HPSE2: variants seen among roughly 807,000 people sequenced by gnomAD.
The protein encoded by HPSE2 is heparanase 2 (inactive).
Under a neutral mutation model 60.5 loss-of-function variants are expected in HPSE2, and 38 were observed. The observed-to-expected ratio is 0.63, with a 90% CI of 0.48 to 0.82. The LOEUF (loss-of-function observed/expected upper bound fraction) is 0.82. Ranked by LOEUF, HPSE2 falls within the 40% of genes least tolerant of loss-of-function variation. The pLI is 0.00. For missense variants in HPSE2, 713 were observed against 740.4 expected (o/e 0.96, Z 0.43); for synonymous variants, 295 against 293.2 (o/e 1.01, Z -0.06).
At chr10:98,522,719 C>T (rs1193582268) in intron 9 of HPSE2, among the ~76,000 whole-genome samples, 1 of 152,226 alleles carries the variant, frequency 6.6e-6, no homozygotes, top group Non-Finnish European at 1.5e-5. Context: ...CTCAGGTGAT[C>T]TGCCCGCCTC....
intron 3 of HPSE2, among the ~76,000 whole-genome samples, chr10:98,770,218 C>G (rs1227584261): frequency 2.0e-5 from 3 of 152,086 alleles, no homozygotes; most frequent in Non-Finnish European, 2.9e-5. Flanking sequence ...AAGTGAGGGT[C>G]ATTTCTTTAG....
intron 6 of HPSE2, among the ~76,000 whole-genome samples, chr10:98,691,893 ACATTGTTATTTTTATTGT>A (rs1232287709): frequency 6.6e-6 from 1 of 152,236 alleles, no homozygotes; most frequent in Non-Finnish European, 1.5e-5. Context: ...AGTTCCTGGT[ACATTGTTATTTTTATTGT>A]CATTGTTATT....
intron 3 of HPSE2, among the ~76,000 whole-genome samples, chr10:98,832,564 T>C (rs1377184083): frequency 6.6e-6 from 1 of 152,174 alleles, no homozygotes; most frequent in Non-Finnish European, 1.5e-5. Flanking sequence ...GTTTGGAGGA[T>C]TCTAAAAGTC....
chr10:98,983,001 A>C (rs1956243642), intron 3 of HPSE2, among the ~76,000 whole-genome samples: 1 of 152,184 alleles, frequency 6.6e-6, no homozygotes, highest in Admixed American at 6.5e-5. Flanking sequence ...GTTTCTACTC[A>C]ACAAATATTG....
chr10:98,851,682 G>C (rs996558686), intron 3 of HPSE2, among the ~76,000 whole-genome samples: 1 of 152,100 alleles, frequency 6.6e-6, no homozygotes, highest in Non-Finnish European at 1.5e-5. Context: ...AATCTAGCTA[G>C]AATGTTGACT....
intron 2 of HPSE2, among the ~76,000 whole-genome samples, chr10:99,231,452 C>T (rs956393859): frequency 6.6e-6 from 1 of 152,174 alleles, no homozygotes. Flanking sequence ...TACCCTCCAT[C>T]GTGCCTCTTT....
At position 98,482,756 on chromosome 10, in the gene HPSE2, G is replaced by A; in HGVS notation, c.1493C>T (p.Thr498Ile). ...HNHNYVRGSI[T>I]LFIINLHRSR... ...TCGATGCAAGTTGATGATAAAAAGTGTAATGGACCCACGAACGTAGTTGTG... is the reference window on the plus strand; with the variant it reads ...TCGATGCAAGTTGATGATAAAAAGTATAATGGACCCACGAACGTAGTTGTG... Residue 498 changes from threonine to isoleucine, a missense_variant, in exon 11 of 12, where the codon ACA becomes ATA. By Grantham distance (89) the Thr-to-Ile change is moderately conservative. Transcript: ENST00000370552. 6.2e-7 allele frequency: 1 copy of A among 1,614,214 alleles called. No individual in the cohort carries two copies. The highest frequency in any genetic ancestry group is 8.5e-7 in the Non-Finnish European group (1 of 1,180,038).
chr10:98,849,760 T>C (rs898645650), intron 3 of HPSE2, among the ~76,000 whole-genome samples: 1 of 152,232 alleles, frequency 6.6e-6, no homozygotes, highest in African/African-American at 2.4e-5. Context: ...CGATTTTTTT[T>C]TTTGAGACGG....
At chr10:99,112,970 C>CAT (rs1844531291) in intron 3 of HPSE2, among the ~76,000 whole-genome samples, 1 of 149,610 alleles carries the variant, frequency 6.7e-6, no homozygotes, top group Non-Finnish European at 1.5e-5. Context: ...CACATATACA[C>CAT]ATGCATGGAA....
intron 2 of HPSE2, among the ~76,000 whole-genome samples, chr10:99,209,432 T>C (rs1367484966): frequency 1.3e-5 from 2 of 152,240 alleles, no homozygotes; most frequent in Admixed American, 6.5e-5. Flanking sequence ...TTTTAAAATA[T>C]TGTAAGACAA....
chr10:98,718,507 A>G (rs944457461), intron 5 of HPSE2, among the ~76,000 whole-genome samples: 1 of 152,188 alleles, frequency 6.6e-6, no homozygotes, highest in Non-Finnish European at 1.5e-5. Flanking sequence ...TATTTCAGCA[A>G]TATTCACAAT....
chr10:99,287,884 T>C, the HPSE2 span, among the ~76,000 whole-genome samples: 2 of 152,184 alleles, frequency 1.3e-5, no homozygotes, highest in Non-Finnish European at 2.9e-5. Flanking sequence ...AAATGGCTTC[T>C]GGTAGGGGAT....
intron 2 of HPSE2, among the ~76,000 whole-genome samples, chr10:99,154,293 A>G (rs1846426867): frequency 7.7e-6 from 1 of 129,880 alleles, no homozygotes; most frequent in Admixed American, 8.5e-5. Context: ...TCCAAGACAC[A>G]TCATTGTCAG....
the HPSE2 span, among the ~76,000 whole-genome samples, chr10:99,305,979 G>GCACGCACA: frequency 1.2e-5 from 1 of 80,580 alleles, no homozygotes; most frequent in African/African-American, 5.4e-5. Context: ...GCGCGCGCGC[G>GCACGCACA]CACACACACA....
At chr10:98,802,589 C>T (rs1021605601) in intron 3 of HPSE2, among the ~76,000 whole-genome samples, 4 of 149,440 alleles carry the variant, frequency 2.7e-5, no homozygotes, top group Non-Finnish European at 3.0e-5. Context: ...TTTGTTCTTG[C>T]GATAGTTTAC....
At chr10:99,022,167 G>A (rs1957277942) in intron 3 of HPSE2, among the ~76,000 whole-genome samples, 1 of 151,576 alleles carries the variant, frequency 6.6e-6, no homozygotes, top group Admixed American at 6.6e-5. Flanking sequence ...GCTTGGTGCA[G>A]AGAGTTTCTC....
intron 3 of HPSE2, among the ~76,000 whole-genome samples, chr10:99,021,553 G>C (rs1484765909): frequency 1.3e-5 from 2 of 151,060 alleles, no homozygotes; most frequent in African/African-American, 4.9e-5. Context: ...AATTAATTAT[G>C]ACACAACAGC....
chr10:98,986,588 G>A (rs11189920), intron 3 of HPSE2, among the ~76,000 whole-genome samples: 55,676 of 137,538 alleles, frequency 0.4, 11,082 homozygotes, highest in Non-Finnish European at 0.53. Flanking sequence ...AAGAACTAGA[G>A]AAGCAAGAGC....
chr10:98,882,754 A>AG (rs914546544), intron 3 of HPSE2, among the ~76,000 whole-genome samples: 1 of 152,078 alleles, frequency 6.6e-6, no homozygotes, highest in Non-Finnish European at 1.5e-5. Flanking sequence ...TAACACAGAG[A>AG]GTTTATGGGA....
Sources: allele counts gnomAD v4.1 joint callset (sites outside exome capture counted in the v4.1 genomes callset), GRCh38; gene constraint gnomAD v4.1.1; transcripts MANE v1.5; gene names NCBI Gene and HGNC (gene_info 2026-07-23, HGNC 2026-07-21).